The following GALC variants were observed in gnomAD, a reference collection of about 807,000 sequenced individuals.
GALC encodes galactosylceramidase.
In GALC, 77 loss-of-function variants were observed where a neutral mutation model predicts 91.8. The ratio of observed to expected loss-of-function variants is 0.84; its 90% confidence interval spans 0.70 to 1.01. GALC has a LOEUF of 1.01. GALC is among the 50% of genes least tolerant of loss of function. The probability of loss-of-function intolerance (pLI) is 0.00; values close to 1 mark genes in which losing one functional copy is unlikely to be tolerated. For synonymous variants in GALC, 357 were observed against 306.7 expected (o/e 1.16, Z -1.71); for missense variants, 882 against 855.9 (o/e 1.03, Z -0.38).
intron 14 of GALC, among the ~76,000 whole-genome samples, chr14:87,942,032 A>C (rs533221445): frequency 2.0e-4 from 31 of 152,094 alleles, no homozygotes; most frequent in African/African-American, 6.5e-4. Flanking sequence ...TTTTACATTT[A>C]AATCTAACAA....
Position 87,993,131 on chromosome 14 carries a change from G to T in GALC, c.34C>A (p.Arg12Ser). Residue 12 changes from arginine to serine, a missense_variant, in exon 1 of 17, where the codon CGC (arginine) becomes AGC (serine). Coordinates refer to ENST00000261304, the MANE Select transcript of GALC (RefSeq NM_000153.4). ...GCCGCAGTCATAGCTTTCGCTCGGC[G>T]TTGCCAGGAAGCCGAGAGTAGCCAC... is the stretch of plus-strand genomic sequence containing the variant. ...AEWLLSASWQ[R>S]RAKAMTAAAG... is the part of the protein sequence containing the mutation. The T allele has an allele frequency of 1.3e-6, 2 of 1,584,680 alleles. No homozygotes were observed. The highest frequency in any genetic ancestry group is 1.7e-6 in the Non-Finnish European group (2 of 1,166,648).
intron 7 of GALC, among the ~76,000 whole-genome samples, chr14:87,974,821 A>G: frequency 6.6e-6 from 1 of 152,064 alleles, no homozygotes; most frequent in East Asian, 1.9e-4. Context: ...TAATGATAAA[A>G]CAGCCCTATG....
upstream of GALC, chr14:87,993,409 G>A: frequency 1.3e-6 from 2 of 1,535,860 alleles, no homozygotes; most frequent in Non-Finnish European, 1.7e-6. Flanking sequence ...GGCGTCACCT[G>A]GTGGAGCACT....
chr14:87,968,358 A>T lies in GALC; in HGVS notation c.885T>A (p.Asn295Lys). The T allele has an allele frequency of 6.2e-7, 1 of 1,613,526 alleles. No individual in the cohort carries two copies. Among genetic ancestry groups the T allele is most frequent in the South Asian group, 1.1e-5 (1 of 91,036 alleles). ...AGCWGRILNQ[N>K]YINGYMTSTI... Reference sequence around the variant, plus strand: ...ACGAAGTCATATAGCCATTGATATAATTCTGATTTAAAATGCGACCCCAGC... The same window carrying T: ...ACGAAGTCATATAGCCATTGATATATTTCTGATTTAAAATGCGACCCCAGC... The change falls in exon 8 of 17, where the codon AAT becomes AAA. Residue 295 changes from asparagine (N) to lysine (K), a missense_variant. Coordinates refer to ENST00000261304, the MANE Select transcript of GALC (RefSeq NM_000153.4).
At chr14:87,964,727 T>C (rs1595214305) in intron 9 of GALC, among the ~76,000 whole-genome samples, 1 of 152,142 alleles carries the variant, frequency 6.6e-6, no homozygotes, top group South Asian at 2.1e-4. Flanking sequence ...CTGGTAGAAA[T>C]TTAATTAATT....
chr14:87,952,486 ACCCTG>A, intron 10 of GALC: 1 of 596,024 alleles, frequency 1.7e-6, no homozygotes. Flanking sequence ...CTAAACCACA[ACCCTG>A]CCTAATATCC....
chr14:87,980,899 C>T (rs1448203920), intron 6 of GALC, among the ~76,000 whole-genome samples: 3 of 152,128 alleles, frequency 2.0e-5, no homozygotes, highest in Admixed American at 6.5e-5. Context: ...ATGTATTGAA[C>T]CTTATCTACT....
chr14:87,934,003 G>C lies in GALC; in HGVS notation c.*729C>G. 1 of 1,534,142 alleles carries C rather than the reference G, an allele frequency of 6.5e-7. No homozygotes were observed. Among genetic ancestry groups the C allele is most frequent in the Non-Finnish European group, 8.7e-7 (1 of 1,145,670 alleles). ...TTTTCTTCCTTCTTCCAGCCACCTGGAAAAACGTTCACAGAGAGTTATAGT... is the reference window on the plus strand; with the variant it reads ...TTTTCTTCCTTCTTCCAGCCACCTGCAAAAACGTTCACAGAGAGTTATAGT... On this transcript the variant is annotated 3_prime_UTR_variant, in exon 17 of 17. Coordinates refer to ENST00000261304, the MANE Select transcript of GALC (RefSeq NM_000153.4).
intron 5 of GALC, among the ~76,000 whole-genome samples, chr14:87,982,903 T>C (rs1365020212): frequency 6.6e-6 from 1 of 152,202 alleles, no homozygotes; most frequent in Non-Finnish European, 1.5e-5. Context: ...AGTTTATCAA[T>C]GAACCTCCTC....
intron 16 of GALC, 128 bp from the exon 17 acceptor site, chr14:87,935,006 A>G: frequency 1.4e-6 from 1 of 690,964 alleles, no homozygotes; most frequent in Non-Finnish European, 2.5e-6. Context: ...TAACCACAGC[A>G]AAACACAATT....
intron 10 of GALC, chr14:87,954,667 A>G (rs1023913200): frequency 4.5e-6 from 7 of 1,569,326 alleles, no homozygotes; most frequent in Non-Finnish European, 4.4e-6. Flanking sequence ...GAGTGGTTCT[A>G]ATTAAAGCCC....
At chr14:87,957,187 T>C (rs971452852) in intron 10 of GALC, among the ~76,000 whole-genome samples, 3 of 152,132 alleles carry the variant, frequency 2.0e-5, no homozygotes, top group African/African-American at 4.8e-5. Flanking sequence ...AATTTGTAAA[T>C]GTCTTCTCCC....
intron 6 of GALC, among the ~76,000 whole-genome samples, chr14:87,978,998 C>T (rs1174848279): frequency 1.3e-5 from 2 of 152,092 alleles, no homozygotes; most frequent in Non-Finnish European, 2.9e-5. Flanking sequence ...TGAGCACCTA[C>T]ATTCGTCATT....
intron 12 of GALC, 70 bp downstream of exon 12, chr14:87,949,775 G>A: frequency 1.3e-6 from 1 of 778,710 alleles, no homozygotes; most frequent in Admixed American, 1.9e-5. Context: ...CTTAATTAAT[G>A]ACATTTCTGT....
chr14:87,970,581 C>T (rs757076884), intron 7 of GALC, among the ~76,000 whole-genome samples: 2 of 151,082 alleles, frequency 1.3e-5, no homozygotes, highest in African/African-American at 2.4e-5. Context: ...ACTAGTGCAA[C>T]AAAATGTAAA....
chr14:87,990,436 A>G (rs1887149856), intron 1 of GALC, among the ~76,000 whole-genome samples: 1 of 152,224 alleles, frequency 6.6e-6, no homozygotes, highest in African/African-American at 2.4e-5. Context: ...AGGACTTGGC[A>G]CATTACCTGG....
chr14:87,936,386 T>C (rs768706985), intron 16 of GALC, among the ~76,000 whole-genome samples: 11 of 151,970 alleles, frequency 7.2e-5, no homozygotes, highest in Non-Finnish European at 1.5e-4. Flanking sequence ...ATAAATAAAA[T>C]CTTACTGAAA....
Position 87,941,473 on chromosome 14 carries a change from C to T in GALC, c.1756G>A (p.Gly586Ser). 1 of 1,606,484 alleles carries T rather than the reference C, an allele frequency of 6.2e-7. No homozygotes were observed. Residue 586 changes from glycine (G) to serine (S), a missense_variant, in exon 15 of 17, where the codon GGT (glycine) becomes AGT (serine). Physicochemically the swap from Gly to Ser is moderately conservative, Grantham distance 56 (BLOSUM62 0). Transcript: ENST00000261304. The part of the protein sequence containing the change: ...VFIAGRVNKG[G>S]ILIRSARGIF... ...CCTCTGGCACTTCTAATCAAAATAC[C>T]ACCTTTATTTACTCTTCCTGCAATG...
At chr14:87,992,315 C>A (rs1390884077) in intron 1 of GALC, 1 of 1,535,716 alleles carries the variant, frequency 6.5e-7, no homozygotes, top group Non-Finnish European at 8.7e-7. Context: ...CAAAGGTCGG[C>A]CACCATGAAG....
Sources: gnomAD v4.1 joint callset for allele counts (sites outside exome capture counted in the v4.1 genomes callset) on GRCh38, gnomAD v4.1.1 for gene constraint, MANE v1.5 for transcripts, NCBI Gene and HGNC (gene_info 2026-07-23, HGNC 2026-07-21) for gene names.